The following SYCP2L variants were observed in gnomAD, a reference collection of about 807,000 sequenced individuals.
SYCP2L encodes synaptonemal complex protein 2 like.
A neutral mutation model predicts 125.8 loss-of-function variants in SYCP2L; 98 were observed. That is an observed-to-expected ratio of 0.78 (90% CI 0.66 to 0.92). SYCP2L has a LOEUF of 0.92. SYCP2L is among the 40% of genes least tolerant of loss of function. The pLI, the probability that SYCP2L is intolerant of heterozygous loss-of-function variation, is 0.00. For synonymous variants in SYCP2L, 317 were observed against 325.4 expected, an observed-to-expected ratio of 0.97 and a Z score of 0.28; for missense variants, 842 against 936.4, an observed-to-expected ratio of 0.90 and a Z score of 1.32.
At chr6:10,899,692 A>C (rs1326002709) in intron 6 of SYCP2L, among the ~76,000 whole-genome samples, 1 of 152,228 alleles carries the variant, frequency 6.6e-6, no homozygotes, top group Non-Finnish European at 1.5e-5. Flanking sequence ...GGCTGTCATT[A>C]ATTGACACTA....
intron 24 of SYCP2L, among the ~76,000 whole-genome samples, chr6:10,955,640 A>G (rs1781492224): frequency 6.6e-6 from 1 of 152,234 alleles, no homozygotes; most frequent in Admixed American, 6.5e-5. Flanking sequence ...CTCCAATGCA[A>G]CAGATTTGAA....
intron 8 of SYCP2L, 23 bp downstream of exon 8, chr6:10,902,986 C>G (rs367619954): frequency 1.5e-5 from 24 of 1,593,446 alleles, no homozygotes; most frequent in Non-Finnish European, 1.9e-5. Context: ...GTATAAGTTA[C>G]GTGCTGTAGT....
At chr6:10,955,910 C>T (rs1781496036) in intron 24 of SYCP2L, among the ~76,000 whole-genome samples, 1 of 152,146 alleles carries the variant, frequency 6.6e-6, no homozygotes, top group African/African-American at 2.4e-5. Context: ...AACACCTTGG[C>T]CTGCTTCTTA....
chr6:10,925,431 T>G (rs1308727989), intron 15 of SYCP2L, among the ~76,000 whole-genome samples: 1 of 152,190 alleles, frequency 6.6e-6, no homozygotes, highest in Non-Finnish European at 1.5e-5. Flanking sequence ...TGGTCTGTAC[T>G]TCTCTAGATT....
At chr6:10,896,904 G>A (rs913487946) in intron 4 of SYCP2L, among the ~76,000 whole-genome samples, 12 of 152,172 alleles carry the variant, frequency 7.9e-5, no homozygotes, top group African/African-American at 2.9e-4. Flanking sequence ...ATCTTCAGCT[G>A]GGCTGTCTCA....
intron 29 of SYCP2L, among the ~76,000 whole-genome samples, chr6:10,967,713 G>A (rs1008019758): frequency 2.6e-5 from 4 of 152,040 alleles, no homozygotes; most frequent in African/African-American, 9.7e-5. Context: ...GAAAACTAGG[G>A]ATAGAATGTC....
At chr6:10,959,108 T>TA (rs1186234213) in intron 26 of SYCP2L, among the ~76,000 whole-genome samples, 2 of 152,174 alleles carry the variant, frequency 1.3e-5, no homozygotes, top group Non-Finnish European at 2.9e-5. Flanking sequence ...ATGCTGTTCT[T>TA]AAAAAAATCA....
At chr6:10,962,685 T>G in intron 28 of SYCP2L, among the ~76,000 whole-genome samples, 2 of 152,168 alleles carry the variant, frequency 1.3e-5, no homozygotes, top group Non-Finnish European at 2.9e-5. Context: ...ATAACAGATT[T>G]ATATGAAAAA....
Position 10,942,521 on chromosome 6 carries a change from A to T in SYCP2L, c.1876A>T (p.Lys626Ter), listed in dbSNP as rs200031051. Reference protein sequence around the residue: ...SSLKHSEDEEKPKIVNQESLT... With the variant: ...SSLKHSEDEE ...CTTGAAGCACTCAGAAGATGAAGAAAAACCTAAGGTACTATTTAATTGTTG... is the reference window on the plus strand; with the variant it reads ...CTTGAAGCACTCAGAAGATGAAGAATAACCTAAGGTACTATTTAATTGTTG... Residue 626 changes from lysine to a stop codon, truncating the protein, a stop_gained, in exon 22 of 30, where the codon AAA becomes TAA. Coordinates refer to ENST00000283141, the MANE Select transcript of SYCP2L (RefSeq NM_001040274.3). LOFTEE classifies it high-confidence loss of function. The T allele has an allele frequency of 6.2e-7, 1 of 1,603,072 alleles. No individual in the cohort carries two copies. The highest frequency in any genetic ancestry group is 1.3e-5 in the African/African-American group (1 of 74,406).
intron 14 of SYCP2L, among the ~76,000 whole-genome samples, chr6:10,913,466 C>T (rs1053836048): frequency 2.0e-5 from 3 of 152,036 alleles, no homozygotes; most frequent in Admixed American, 6.5e-5. Flanking sequence ...TTTGCATTCC[C>T]CTGATCATTA....
intron 6 of SYCP2L, among the ~76,000 whole-genome samples, chr6:10,901,056 T>G (rs968378885): frequency 6.6e-6 from 1 of 152,230 alleles, no homozygotes; most frequent in Non-Finnish European, 1.5e-5. Context: ...AACTTACGTC[T>G]TCTTACTTAT....
At chr6:10,952,802 TA>T (rs1781434676) in intron 23 of SYCP2L, among the ~76,000 whole-genome samples, 1 of 152,302 alleles carries the variant, frequency 6.6e-6, no homozygotes, top group African/African-American at 2.4e-5. Flanking sequence ...TCTTTTTTTT[TA>T]TTTTTAAAAA....
intron 1 of SYCP2L, among the ~76,000 whole-genome samples, chr6:10,888,074 T>C (rs1780109092): frequency 8.7e-5 from 1 of 11,496 alleles, no homozygotes; most frequent in Non-Finnish European, 1.7e-4. Flanking sequence ...ATCTTTTTTT[T>C]TTTTTTTTTT....
At chr6:10,916,395 T>G (rs961627560) in intron 14 of SYCP2L, among the ~76,000 whole-genome samples, 1 of 152,220 alleles carries the variant, frequency 6.6e-6, no homozygotes, top group Non-Finnish European at 1.5e-5. Context: ...TCTAGTTCCT[T>G]GAGGTGTGAC....
rs141906639 is a variant in SYCP2L, at chr6:10,903,863, T to C, written c.641+900T>C. Among the ~76,000 whole-genome samples, 373 of 152,316 alleles carry C rather than the reference T, an allele frequency of 2.4e-3. 2 individuals are homozygous for C. Among genetic ancestry groups the C allele is most frequent in the Middle Eastern group, 6.8e-3 (2 of 294 alleles). On this transcript the variant is annotated intron_variant, in intron 8 of 29. Transcript: ENST00000283141. ...TGCTTCAACGTTGTGAGGCAAAATG[T>C]TTTCTCAGGCTATATTTTTTCATTG...
Position 10,894,983 on chromosome 6 carries a change from C to T in SYCP2L, c.336+779C>T, listed in dbSNP as rs116516193. Among the ~76,000 whole-genome samples, 699 of 152,290 alleles carry T rather than the reference C, an allele frequency of 4.6e-3. 7 individuals are homozygous for T. Among genetic ancestry groups the T allele is most frequent in the African/African-American group, 0.016 (672 of 41,560 alleles). On this transcript the variant is annotated intron_variant, in intron 4 of 29. Coordinates refer to ENST00000283141, the MANE Select transcript of SYCP2L (RefSeq NM_001040274.3). ...CAAGATCTGTCTTTGCCCTTTGTTACTCTAAAATGCGTCTAATTATGAAGC... is the reference window on the plus strand; with the variant it reads ...CAAGATCTGTCTTTGCCCTTTGTTATTCTAAAATGCGTCTAATTATGAAGC...
At position 10,955,153 on chromosome 6, in the gene SYCP2L, A is replaced by C; in HGVS notation, c.1992A>C (p.Ser664=). Reference sequence around the variant, plus strand: ...GTAGTTTTGCTAAGTCACAACAATCAAGATTGGAAGAAGAGGTTGCTCCGG... The same window carrying C: ...GTAGTTTTGCTAAGTCACAACAATCCAGATTGGAAGAAGAGGTTGCTCCGG... The part of the protein sequence containing the change: ...PEGSFAKSQQ[S]RLEEEVAPGS... The change falls in exon 24 of 30, where the codon TCA becomes TCC. Residue 664 remains serine (S), a synonymous_variant. Transcript: ENST00000283141. The C allele has an allele frequency of 6.2e-7, 1 of 1,613,666 alleles. No homozygotes were observed. Among genetic ancestry groups the C allele is most frequent in the South Asian group, 1.1e-5 (1 of 91,082 alleles).
At chr6:10,899,197 A>G (rs1242172260) in intron 6 of SYCP2L, among the ~76,000 whole-genome samples, 1 of 152,216 alleles carries the variant, frequency 6.6e-6, no homozygotes, top group Admixed American at 6.5e-5. Context: ...AGAGTGTAAA[A>G]GGTAAAATTT....
At chr6:10,923,033 G>A (rs888118301) in intron 14 of SYCP2L, among the ~76,000 whole-genome samples, 3 of 151,840 alleles carry the variant, frequency 2.0e-5, no homozygotes, top group South Asian at 2.1e-4. Context: ...TTCATAATCC[G>A]ATGCGTATTT....
Sources: allele counts gnomAD v4.1 joint callset (sites outside exome capture counted in the v4.1 genomes callset), GRCh38; gene constraint gnomAD v4.1.1; transcripts MANE v1.5; gene names NCBI Gene and HGNC (gene_info 2026-07-23, HGNC 2026-07-21).